The following MGAM2 variants were observed in gnomAD, a reference collection of about 807,000 sequenced individuals.
The protein encoded by MGAM2 is maltase-glucoamylase 2 (putative).
Under a neutral mutation model 96.1 loss-of-function variants are expected in MGAM2, and 98 were observed. The ratio of observed to expected loss-of-function variants is 1.02; its 90% confidence interval spans 0.87 to 1.21. MGAM2 has a LOEUF of 1.21. Among genes scored for constraint, MGAM2 ranks in the 50% most tolerant of loss-of-function variants. The pLI, the probability that MGAM2 is intolerant of heterozygous loss-of-function variation, is 0.00. For synonymous variants in MGAM2, 749 were observed against 414.8 expected, an observed-to-expected ratio of 1.81 and a Z score of -9.79; for missense variants, 2,055 against 1,182.4, an observed-to-expected ratio of 1.74 and a Z score of -10.82.
chr7:142,184,615 G>A (rs887767240), intron 33 of MGAM2, among the ~76,000 whole-genome samples: 1 of 152,160 alleles, frequency 6.6e-6, no homozygotes, highest in Non-Finnish European at 1.5e-5. Context: ...AAATTAGTTG[G>A]TACTATGGAT....
At chr7:142,216,125 T>G (rs1372668654) in intron 46 of MGAM2, among the ~76,000 whole-genome samples, 1 of 152,220 alleles carries the variant, frequency 6.6e-6, no homozygotes, top group Non-Finnish European at 1.5e-5. Flanking sequence ...CAGGTCATAT[T>G]GTTCCATCCT....
intron 45 of MGAM2, among the ~76,000 whole-genome samples, chr7:142,201,722 A>G (rs1797240564): frequency 1.3e-5 from 2 of 152,234 alleles, no homozygotes. Context: ...TGTAAACAAT[A>G]CAGGATACCA....
rs79577921 is a variant in MGAM2, at chr7:142,186,026, G to T, written c.4025G>T (p.Arg1342Leu). 1.4e-3 allele frequency: 980 copies of T among 704,102 alleles called. 15 individuals carry two copies. The highest frequency in any genetic ancestry group is 0.013 in the South Asian group (882 of 67,596). 43.6% of individuals were successfully genotyped at this position (704,102 alleles called of 1,614,324 possible). A position where few individuals can be genotyped will look rare whatever the true frequency, so the allele number is the denominator to read the frequency against. The change falls in exon 35 of 48, where the codon CGT becomes CTT. Residue 1342 changes from arginine (R) to leucine (L), a missense_variant. Physicochemically the swap from Arg to Leu is moderately radical, Grantham distance 102 (BLOSUM62 -2). Transcript: ENST00000477922. The part of the protein sequence containing the change: ...RAYVAFPDFF[R>L]NSTAAWWKKE... Reference sequence around the variant, plus strand: ...TACGTTGCCTTTCCTGACTTCTTTCGTAATAGCACAGCTGCGTGGTGGAAG... The same window carrying T: ...TACGTTGCCTTTCCTGACTTCTTTCTTAATAGCACAGCTGCGTGGTGGAAG...
chr7:142,140,773 G>C, intron 10 of MGAM2, 29 bp from the exon 11 acceptor site: 1 of 695,890 alleles, frequency 1.4e-6, no homozygotes, highest in South Asian at 1.5e-5. Flanking sequence ...CTGTTTCCTA[G>C]GTTCTGATTG....
intron 14 of MGAM2, among the ~76,000 whole-genome samples, chr7:142,146,208 ATT>A (rs66534945): frequency 2.3e-4 from 31 of 133,836 alleles, no homozygotes; most frequent in Admixed American, 8.3e-4. Context: ...TTTGTTTTTG[ATT>A]TTTTTTTTTC....
chr7:142,135,329 C>T (rs545311069), intron 7 of MGAM2, among the ~76,000 whole-genome samples: 28 of 152,284 alleles, frequency 1.8e-4, no homozygotes, highest in Admixed American at 1.2e-3. Context: ...TACTATGAAT[C>T]GTACTACGTT....
At chr7:142,187,726 TC>T (rs1395656490) in intron 35 of MGAM2, 23 bp from the exon 36 acceptor site, 2 of 701,658 alleles carry the variant, frequency 2.9e-6, no homozygotes, top group Non-Finnish European at 5.2e-6. Flanking sequence ...CATGACGAGA[TC>T]TTTTTTTGTT....
rs548530685 is a variant in MGAM2 at position 142,149,676 on chromosome 7, G to A, written c.1634+2103G>A. On this transcript the variant is annotated intron_variant, in intron 15 of 47. Coordinates refer to ENST00000477922, the MANE Select transcript of MGAM2 (RefSeq NM_001293626.2). ...CTGCCTCAGCCTCCCAAGTAGCTGG[G>A]ACTACAGGCAGCTGCCACCACGCCC... Among the ~76,000 whole-genome samples, 21 of 152,076 alleles carry A rather than the reference G, an allele frequency of 1.4e-4. No homozygotes were observed. In the East Asian group the frequency reaches 2.9e-3, roughly 21 times the overall value.
At chr7:142,177,471 A>G (rs1290481418) in intron 32 of MGAM2, among the ~76,000 whole-genome samples, 1 of 152,130 alleles carries the variant, frequency 6.6e-6, no homozygotes, top group Admixed American at 6.6e-5. Context: ...CATTACCCAG[A>G]TAGTGAACAT....
rs1329828082 is a variant in MGAM2 at position 142,116,825 on chromosome 7, T to C, written c.1-49T>C. On this transcript the variant is annotated intron_variant, in intron 1 of 47. Coordinates refer to ENST00000477922, the MANE Select transcript of MGAM2 (RefSeq NM_001293626.2). Reference sequence around the variant, plus strand: ...ACAATGATTATGTATCCTCTTAGATTGGTGGGGCCTTGTGATTTGTTTTAA... The same window carrying C: ...ACAATGATTATGTATCCTCTTAGATCGGTGGGGCCTTGTGATTTGTTTTAA... The C allele has an allele frequency of 7.1e-6, 5 of 702,216 alleles. No homozygotes were observed. The South Asian group carries it at 7.4e-5, about 10-fold the overall frequency. 43.5% of individuals were successfully genotyped at this position (702,216 alleles called of 1,614,324 possible). A position where few individuals can be genotyped will look rare whatever the true frequency, so the allele number is the denominator to read the frequency against.
At chr7:142,213,762 C>T (rs368291085) in intron 46 of MGAM2, among the ~76,000 whole-genome samples, 26 of 152,226 alleles carry the variant, frequency 1.7e-4, no homozygotes, top group East Asian at 7.7e-4. Flanking sequence ...GAACTGGTAC[C>T]GTTCCTCCTG....
At chr7:142,183,510 G>A in intron 33 of MGAM2, 137 bp downstream of exon 33, 1 of 585,746 alleles carries the variant, frequency 1.7e-6, no homozygotes. Flanking sequence ...ATGCTGATTA[G>A]CTCAATAAGC....
At chr7:142,166,754 T>C (rs1028050726) in intron 25 of MGAM2, among the ~76,000 whole-genome samples, 3 of 152,050 alleles carry the variant, frequency 2.0e-5, no homozygotes, top group Non-Finnish European at 4.4e-5. Flanking sequence ...AAGGTCAGTG[T>C]GTGTGTTTAA....
At chr7:142,161,810 T>C (rs1795895306) in intron 22 of MGAM2, 145 bp from the exon 23 acceptor site, 1 of 493,938 alleles carries the variant, frequency 2.0e-6, no homozygotes, top group Admixed American at 4.1e-5. Flanking sequence ...AGGAAATATT[T>C]GCAGAAGTTT....
intron 25 of MGAM2, among the ~76,000 whole-genome samples, chr7:142,166,806 T>C (rs1399442515): frequency 6.6e-6 from 1 of 152,172 alleles, no homozygotes. Flanking sequence ...CATAACAGAG[T>C]ACCACAAACT....
chr7:142,136,351 T>C (rs1415709279), intron 7 of MGAM2, among the ~76,000 whole-genome samples, 190 bp from the exon 8 acceptor site: 2 of 152,218 alleles, frequency 1.3e-5, no homozygotes, highest in African/African-American at 2.4e-5. Context: ...TTCTTTTGTA[T>C]AGATAATACC....
chr7:142,147,461 C>A lies in MGAM2; in HGVS notation c.1522C>A (p.Leu508Met), dbSNP rs1157334389. 1 of 701,880 alleles carries A rather than the reference C, an allele frequency of 1.4e-6. No homozygotes were observed. The highest frequency in any genetic ancestry group is 2.0e-5 in the Admixed American group (1 of 49,820). The allele number at this position is 701,880 out of a possible 1,614,324, so 43.5% of individuals were successfully genotyped here. The change falls in exon 15 of 48, where the codon CTG becomes ATG. Residue 508 changes from leucine to methionine, a missense_variant. Transcript: ENST00000477922. Reference sequence around the variant, plus strand: ...TAATGAGTATTTCCCTCCAGGAGTTCTGGATCACTTACTTTTTGCAAGAAC... The same window carrying A: ...TAATGAGTATTTCCCTCCAGGAGTTATGGATCACTTACTTTTTGCAAGAAC... ...LNFPPFLPRV[L>M]DHLLFARTLC...
chr7:142,163,901 T>C (rs1380749497), intron 23 of MGAM2, among the ~76,000 whole-genome samples: 6 of 152,244 alleles, frequency 3.9e-5, no homozygotes, highest in Admixed American at 3.3e-4. Flanking sequence ...TTTTTAATTT[T>C]GATGAATCTA....
At chr7:142,121,388 G>A (rs940443121) in intron 3 of MGAM2, among the ~76,000 whole-genome samples, 1 of 151,998 alleles carries the variant, frequency 6.6e-6, no homozygotes, top group African/African-American at 2.4e-5. Flanking sequence ...GTGTTGGCCA[G>A]GAGGCCTCAA....
Sources: gnomAD v4.1 joint callset for allele counts (sites outside exome capture counted in the v4.1 genomes callset) on GRCh38, gnomAD v4.1.1 for gene constraint, MANE v1.5 for transcripts, NCBI Gene and HGNC (gene_info 2026-07-23, HGNC 2026-07-21) for gene names.